The following SLC44A1 variants were observed in gnomAD, a reference collection of about 807,000 sequenced individuals.
SLC44A1 encodes the protein choline transporter-like protein 1.
A neutral mutation model predicts 79.3 loss-of-function variants in SLC44A1; 26 were observed. The observed-to-expected ratio is 0.33, with a 90% confidence interval of 0.24 to 0.46. SLC44A1 has a LOEUF of 0.46. Among genes scored for constraint, SLC44A1 ranks in the 20% least tolerant of loss-of-function variants. SLC44A1 has a pLI of 1.00. For synonymous variants in SLC44A1, 263 were observed against 286.2 expected (o/e 0.92, Z 0.82); for missense variants, 688 against 798.1 (o/e 0.86, Z 1.66).
intron 15 of SLC44A1, among the ~76,000 whole-genome samples, chr9:105,387,060 A>AAAAAAAAAAAAAATATATAT (rs34780893): frequency 3.9e-4 from 3 of 7,714 alleles, no homozygotes; most frequent in African/African-American, 8.2e-4. Flanking sequence ...AAAAAAAAAA[A>AAAAAAAAAAAAAATATATAT]ATATATATAT....
chr9:105,289,108 G>A (rs186617), intron 1 of SLC44A1, among the ~76,000 whole-genome samples: 34,092 of 152,168 alleles, frequency 0.22, 6,970 homozygotes, highest in African/African-American at 0.55. Flanking sequence ...ATCTCATGTA[G>A]GGGAAGCGGT....
intron 5 of SLC44A1, among the ~76,000 whole-genome samples, chr9:105,350,692 A>C (rs1827378299): frequency 6.6e-6 from 1 of 152,146 alleles, no homozygotes. Flanking sequence ...CTGTAAACCA[A>C]GTTTCCTCAT....
At position 105,279,987 on chromosome 9, in the gene SLC44A1, A is replaced by G. The variant is rs79580374; in HGVS notation, c.37-19233A>G. Among the ~76,000 whole-genome samples, 1,110 of 152,326 alleles carry G rather than the reference A, an allele frequency of 7.3e-3. 7 individuals are homozygous for G. Among genetic ancestry groups the G allele is most frequent in the African/African-American group, 0.025 (1,051 of 41,562 alleles). ...AAAATTAGAAATAACCCTAACAAAT[A>G]TGTCCAGTTGAAATGAAGAAAACTA... On this transcript the variant is annotated intron_variant, in intron 1 of 15. Transcript: ENST00000374720.
intron 1 of SLC44A1, among the ~76,000 whole-genome samples, chr9:105,270,708 GC>G (rs1323702847): frequency 6.6e-6 from 1 of 152,086 alleles, no homozygotes; most frequent in Non-Finnish European, 1.5e-5. Flanking sequence ...TTTTTTAAAA[GC>G]TGATCATCAC....
intron 15 of SLC44A1, chr9:105,386,386 A>G: frequency 1.0e-6 from 1 of 974,758 alleles, no homozygotes; most frequent in Non-Finnish European, 1.2e-6. Flanking sequence ...AAATAATTTT[A>G]AACAATGTGT....
At chr9:105,353,206 G>A (rs1255026348) in intron 5 of SLC44A1, among the ~76,000 whole-genome samples, 4 of 151,528 alleles carry the variant, frequency 2.6e-5, no homozygotes, top group African/African-American at 7.3e-5. Flanking sequence ...ATTGAATTTT[G>A]GTGCAAAGGA....
At chr9:105,356,189 AT>A (rs555329166) in intron 5 of SLC44A1, 22 bp from the exon 6 acceptor site, 135 of 1,580,958 alleles carry the variant, frequency 8.5e-5, no homozygotes, top group Admixed American at 2.5e-4. Flanking sequence ...TTTTTTTCTG[AT>A]TTTTTTTTCT....
intron 3 of SLC44A1, among the ~76,000 whole-genome samples, chr9:105,322,491 A>C (rs1826424578): frequency 6.6e-6 from 1 of 152,208 alleles, no homozygotes; most frequent in African/African-American, 2.4e-5. Context: ...TCATTGTGTG[A>C]GTACAGGTCG....
At position 105,392,399 on chromosome 9, in the gene SLC44A1, CTCTCTTTTTTT is replaced by C. The variant is rs1405034903; in HGVS notation, c.*3345_*3355del. The C allele has an allele frequency of 0.024, 19,242 of 812,114 alleles. 85 individuals are homozygous for C. Among genetic ancestry groups the C allele is most frequent in the Non-Finnish European group, 0.026 (18,084 of 701,052 alleles). 50.3% of individuals were successfully genotyped at this position (812,114 alleles called of 1,614,324 possible). A position where few individuals can be genotyped will look rare whatever the true frequency, so the allele number is the denominator to read the frequency against. On this transcript the variant is annotated 3_prime_UTR_variant, in exon 16 of 16. Transcript: ENST00000374720. ...TTTTGTAGAGATGCTCTCTCTCTCT[CTCTCTTTTTTT>C]TTTTTTTTTTTTTTTTTTTTCCGTG...
intron 4 of SLC44A1, among the ~76,000 whole-genome samples, chr9:105,345,137 T>C (rs1164740898): frequency 6.6e-6 from 1 of 152,176 alleles, no homozygotes; most frequent in Non-Finnish European, 1.5e-5. Flanking sequence ...CTAATCTGCA[T>C]TGTACAAAGA....
chr9:105,268,982 C>T (rs1830022614), intron 1 of SLC44A1, among the ~76,000 whole-genome samples: 1 of 152,118 alleles, frequency 6.6e-6, no homozygotes, highest in Admixed American at 6.5e-5. Flanking sequence ...GCTCTTGTTT[C>T]TTGTAGAATT....
At position 105,394,192 on chromosome 9, in the gene SLC44A1, A is replaced by G. The variant is rs1002619408; in HGVS notation, c.*5136A>G. ...AAAAGGCTGCTCTAAAGTTGTTCTG[A>G]TAATGTGTTTTGAAATGAGGAAGTG... On this transcript the variant is annotated 3_prime_UTR_variant, in exon 16 of 16. Coordinates refer to ENST00000374720, the MANE Select transcript of SLC44A1 (RefSeq NM_080546.5). 1.6e-5 allele frequency: 16 copies of G among 985,252 alleles called. No homozygotes were observed. In the African/African-American group the frequency reaches 2.6e-4, roughly 16 times the overall value. The allele number at this position is 985,252 out of a possible 1,614,324, so 61.0% of individuals were successfully genotyped here.
At chr9:105,377,409 G>T (rs1358999645) in intron 13 of SLC44A1, among the ~76,000 whole-genome samples, 1 of 152,052 alleles carries the variant, frequency 6.6e-6, no homozygotes, top group African/African-American at 2.4e-5. Flanking sequence ...CTTTATTGTA[G>T]TAAGATGATG....
Position 105,389,412 on chromosome 9 carries a change from T to C in SLC44A1, c.*356T>C, listed in dbSNP as rs1308849288. 5 of 1,040,858 alleles carry C rather than the reference T, an allele frequency of 4.8e-6. No homozygotes were observed. Among genetic ancestry groups the C allele is most frequent in the South Asian group, 4.3e-5 (1 of 23,450 alleles). The allele number at this position is 1,040,858 out of a possible 1,614,324, so 64.5% of individuals were successfully genotyped here. ...GATTTTAACTTTATTTAAAAATAGGTAAAATTATTGTACCTAATTATGTCT... is the reference window on the plus strand; with the variant it reads ...GATTTTAACTTTATTTAAAAATAGGCAAAATTATTGTACCTAATTATGTCT... On this transcript the variant is annotated 3_prime_UTR_variant, in exon 16 of 16. Coordinates refer to ENST00000374720, the MANE Select transcript of SLC44A1 (RefSeq NM_080546.5).
In SLC44A1 at chr9:105,385,698, A is replaced by G. The variant is rs866468969; in HGVS notation, c.1950+196A>G. 1.1e-4 allele frequency: 112 copies of G among 985,304 alleles called. No homozygotes were observed. In the Middle Eastern group the frequency reaches 1.5e-3, roughly 14 times the overall value. 61.0% of individuals were successfully genotyped at this position (985,304 alleles called of 1,614,324 possible). A position where few individuals can be genotyped will look rare whatever the true frequency, so the allele number is the denominator to read the frequency against. On this transcript the variant is annotated intron_variant, in intron 15 of 15. Coordinates refer to ENST00000374720, the MANE Select transcript of SLC44A1 (RefSeq NM_080546.5). ...CTTGTCACAACTGAGACCACCTTCTATAAAAGTAAGCTGAAAGGAACAGCA... is the reference window on the plus strand; with the variant it reads ...CTTGTCACAACTGAGACCACCTTCTGTAAAAGTAAGCTGAAAGGAACAGCA...
At chr9:105,425,156 A>G (rs1829304819) in intron 15 of SLC44A1, among the ~76,000 whole-genome samples, 1 of 152,150 alleles carries the variant, frequency 6.6e-6, no homozygotes, top group African/African-American at 2.4e-5. Context: ...AAGTTATATC[A>G]TGTACAACAT....
chr9:105,415,975 C>T (rs574965276), intron 15 of SLC44A1, among the ~76,000 whole-genome samples: 26 of 146,700 alleles, frequency 1.8e-4, no homozygotes, highest in African/African-American at 2.8e-4. Flanking sequence ...GATGTCGGCT[C>T]GCTGCAACCT....
chr9:105,262,081 GC>G (rs1435129126), intron 1 of SLC44A1, among the ~76,000 whole-genome samples: 4 of 152,060 alleles, frequency 2.6e-5, no homozygotes, highest in African/African-American at 9.7e-5. Flanking sequence ...ACCACGCCTG[GC>G]CCTGTGTTTC....
intron 1 of SLC44A1, among the ~76,000 whole-genome samples, chr9:105,290,716 ATC>A (rs1219903956): frequency 1.3e-5 from 2 of 152,234 alleles, no homozygotes; most frequent in Admixed American, 1.3e-4. Context: ...TTGGCAATTT[ATC>A]TCTCTGTGAT....
Sources: gnomAD v4.1 joint callset for allele counts (sites outside exome capture counted in the v4.1 genomes callset) on GRCh38, gnomAD v4.1.1 for gene constraint, MANE v1.5 for transcripts, NCBI Gene and HGNC (gene_info 2026-07-23, HGNC 2026-07-21) for gene names.